FAM13A: variants seen among roughly 807,000 people sequenced by gnomAD.
FAM13A encodes the protein protein FAM13A.
In FAM13A, 76 loss-of-function variants were observed where a neutral mutation model predicts 129.6. The observed-to-expected ratio is 0.59, with a 90% CI of 0.49 to 0.71. FAM13A has a LOEUF of 0.71. Among genes scored for constraint, FAM13A ranks in the 30% least tolerant of loss-of-function variants. The pLI is 0.00. For missense variants in FAM13A, 1,108 were observed against 1,249.3 expected (o/e 0.89, Z 1.70); for synonymous variants, 443 against 449.9 (o/e 0.98, Z 0.20).
chr4:88,896,456 A>G lies in FAM13A; in HGVS notation c.843+9923T>C, dbSNP rs187902167. On this transcript the variant is annotated intron_variant, in intron 6 of 23. Transcript: ENST00000264344. ...AAAAAAATTCAATGTTTATTAAGTT[A>G]TTTTAGGAACTGTATATTAAAAAAA... Among the ~76,000 whole-genome samples, 306 of 152,324 alleles carry G rather than the reference A, an allele frequency of 2.0e-3. 2 individuals carry two copies. The highest frequency in any genetic ancestry group is 6.8e-3 in the African/African-American group (283 of 41,582).
At chr4:88,796,147 G>A (rs77140172) in intron 8 of FAM13A, among the ~76,000 whole-genome samples, 6,281 of 151,534 alleles carry the variant, frequency 0.041, 200 homozygotes, top group Non-Finnish European at 0.061. Context: ...CTTGTGTTAG[G>A]TTACCTCTTA....
chr4:88,796,025 T>A (rs1203565156), intron 8 of FAM13A, among the ~76,000 whole-genome samples: 2 of 151,742 alleles, frequency 1.3e-5, no homozygotes, highest in Non-Finnish European at 3.0e-5. Context: ...TCAGTTCTGC[T>A]CGTTTTCTGT....
intron 3 of FAM13A, among the ~76,000 whole-genome samples, chr4:88,995,507 T>C (rs1763434797): frequency 6.6e-6 from 1 of 152,168 alleles, no homozygotes; most frequent in Admixed American, 6.5e-5. Flanking sequence ...TTCTGGATGC[T>C]TCCTGCCCTT....
chr4:88,765,456 C>T (rs1745558183), intron 13 of FAM13A, among the ~76,000 whole-genome samples: 1 of 152,022 alleles, frequency 6.6e-6, no homozygotes, highest in Admixed American at 6.6e-5. Context: ...GAGGAGTAAC[C>T]AAAGTATAGA....
At position 88,818,903 on chromosome 4, in the gene FAM13A, T is replaced by C. The variant is rs190771633; in HGVS notation, c.1008-13851A>G. Among the ~76,000 whole-genome samples the C allele has an allele frequency of 9.2e-5, 14 of 152,184 alleles. No homozygotes were observed. The East Asian group carries it at 2.1e-3, about 23-fold the overall frequency. On this transcript the variant is annotated intron_variant, in intron 7 of 23. Transcript: ENST00000264344. Reference sequence around the variant, plus strand: ...ACAAGCTGGCCCAACATTACCTGGGTTCTTCCCTGGTGAACTCCCATACCA... The same window carrying C: ...ACAAGCTGGCCCAACATTACCTGGGCTCTTCCCTGGTGAACTCCCATACCA...
chr4:89,002,593 G>GGGC (rs1366686065), intron 3 of FAM13A, among the ~76,000 whole-genome samples: 1 of 152,120 alleles, frequency 6.6e-6, no homozygotes, highest in Non-Finnish European at 1.5e-5. Context: ...ATCCCCAAAT[G>GGGC]ACACAGCTAA....
intron 11 of FAM13A, among the ~76,000 whole-genome samples, chr4:88,769,702 C>T (rs1256670340): frequency 1.3e-5 from 2 of 151,726 alleles, no homozygotes; most frequent in South Asian, 4.2e-4. Flanking sequence ...TGTGGTGGCA[C>T]GTGCCTGTAG....
intron 6 of FAM13A, among the ~76,000 whole-genome samples, chr4:88,864,332 C>A (rs989922430): frequency 6.6e-6 from 1 of 152,208 alleles, no homozygotes; most frequent in Non-Finnish European, 1.5e-5. Context: ...ATTTCTTTAA[C>A]CCTTCTCTAA....
At chr4:89,034,935 TA>T (rs1430825375) in intron 1 of FAM13A, among the ~76,000 whole-genome samples, 1 of 152,206 alleles carries the variant, frequency 6.6e-6, no homozygotes, top group Non-Finnish European at 1.5e-5. Context: ...CTCATATGTT[TA>T]TTGCAACACT....
chr4:88,792,734 A>T (rs1293000375), intron 8 of FAM13A, among the ~76,000 whole-genome samples: 1 of 151,904 alleles, frequency 6.6e-6, no homozygotes, highest in East Asian at 1.9e-4. Context: ...TTCCAAAGAC[A>T]TGTCATTAGC....
chr4:88,802,074 G>A (rs1257407448), intron 8 of FAM13A, among the ~76,000 whole-genome samples: 11 of 152,130 alleles, frequency 7.2e-5, no homozygotes, highest in Non-Finnish European at 1.6e-4. Context: ...ATGCTCAGCT[G>A]AGCAACTGAG....
intron 6 of FAM13A, among the ~76,000 whole-genome samples, chr4:88,891,968 G>T (rs1466233397): frequency 2.0e-5 from 3 of 152,100 alleles, no homozygotes; most frequent in African/African-American, 7.2e-5. Flanking sequence ...CTTAAAGCCA[G>T]GAGTTTGAGA....
intron 7 of FAM13A, among the ~76,000 whole-genome samples, chr4:88,816,539 T>C (rs138140182): frequency 2.4e-3 from 368 of 152,324 alleles, no homozygotes; most frequent in Admixed American, 5.2e-3. Context: ...ACTTTTAATC[T>C]GTAGTGCAGT....
chr4:89,046,645 T>G lies in FAM13A; in HGVS notation c.27+10293A>C, dbSNP rs1770897066. Among the ~76,000 whole-genome samples the G allele has an allele frequency of 2.0e-5, 3 of 151,814 alleles. No homozygotes were observed. In the South Asian group the frequency reaches 6.2e-4, roughly 31 times the overall value. On this transcript the variant is annotated intron_variant, in intron 1 of 23. Coordinates refer to ENST00000264344, the MANE Select transcript of FAM13A (RefSeq NM_014883.4). ...CAGGCAGACTGCTTGAGCCCAGGAG[T>G]GCAAGACCAGCCTGGGCAATATAGC...
intron 5 of FAM13A, among the ~76,000 whole-genome samples, chr4:88,914,808 G>A (rs938421755): frequency 2.0e-5 from 3 of 152,172 alleles, no homozygotes; most frequent in African/African-American, 7.2e-5. Context: ...TTTTTTGAAT[G>A]AACGAATAAA....
chr4:89,053,994 G>C (rs922605777), intron 1 of FAM13A, among the ~76,000 whole-genome samples: 3 of 151,988 alleles, frequency 2.0e-5, no homozygotes, highest in African/African-American at 7.2e-5. Flanking sequence ...ACATGAACTG[G>C]CAACTGTAAT....
chr4:89,034,786 G>A (rs762701307), intron 1 of FAM13A, among the ~76,000 whole-genome samples: 8 of 152,190 alleles, frequency 5.3e-5, no homozygotes, highest in Non-Finnish European at 1.0e-4. Flanking sequence ...GGAGGCTGAG[G>A]CAGGAGAATC....
At chr4:89,035,096 C>T (rs1044719752) in intron 1 of FAM13A, among the ~76,000 whole-genome samples, 1 of 152,026 alleles carries the variant, frequency 6.6e-6, no homozygotes, top group Admixed American at 6.5e-5. Context: ...AGCTGGAGGC[C>T]AGTATCCTAA....
At chr4:88,760,603 C>CAAAAAAAAAAAAAAA (rs745711965) in intron 13 of FAM13A, among the ~76,000 whole-genome samples, 3 of 65,840 alleles carry the variant, frequency 4.6e-5, no homozygotes, top group African/African-American at 2.0e-4. Context: ...GACTCCGTCT[C>CAAAAAAAAAAAAAAA]AAAAAAAAAA....
Sources: allele counts gnomAD v4.1 joint callset (sites outside exome capture counted in the v4.1 genomes callset), GRCh38; gene constraint gnomAD v4.1.1; transcripts MANE v1.5; gene names NCBI Gene and HGNC (gene_info 2026-07-23, HGNC 2026-07-21).